The following GALNT13 variants were observed in gnomAD, a reference collection of about 807,000 sequenced individuals.
GALNT13 encodes the protein polypeptide N-acetylgalactosaminyltransferase 13.
A neutral mutation model predicts 64.2 loss-of-function variants in GALNT13; 28 were observed. The ratio of observed to expected loss-of-function variants is 0.44; its 90% CI spans 0.32 to 0.60. GALNT13 has a LOEUF of 0.60. Ranked by LOEUF, GALNT13 falls within the 20% of genes least tolerant of loss-of-function variation. GALNT13 has a pLI of 0.05. For missense variants in GALNT13, 577 were observed against 669.8 expected (o/e 0.86, Z 1.53); for synonymous variants, 214 against 224.6 (o/e 0.95, Z 0.42).
chr2:154,288,121 G>A (rs1692382183), intron 8 of GALNT13, among the ~76,000 whole-genome samples: 2 of 152,124 alleles, frequency 1.3e-5, no homozygotes, highest in African/African-American at 4.8e-5. Context: ...CATGGTGGAA[G>A]GCAAAGGAGG....
the GALNT13 span, among the ~76,000 whole-genome samples, chr2:153,786,084 G>T: frequency 2.0e-5 from 3 of 151,908 alleles, no homozygotes; most frequent in Non-Finnish European, 4.4e-5. Flanking sequence ...GGAGCCCCCA[G>T]GGGCAATTCC....
the GALNT13 span, among the ~76,000 whole-genome samples, chr2:153,646,471 ATTT>A: frequency 2.1e-5 from 3 of 140,314 alleles, no homozygotes; most frequent in Non-Finnish European, 3.3e-5. Context: ...ATATATATAT[ATTT>A]TATTATACTT....
At chr2:153,974,078 T>G (rs1693916875) in intron 3 of GALNT13, among the ~76,000 whole-genome samples, 1 of 152,104 alleles carries the variant, frequency 6.6e-6, no homozygotes, top group South Asian at 2.1e-4. Flanking sequence ...TCTTGCTGCC[T>G]TGATGTTCTT....
At chr2:154,449,426 CAAAAAAAAAAA>C (rs201483247) in intron 12 of GALNT13, among the ~76,000 whole-genome samples, 3 of 105,872 alleles carry the variant, frequency 2.8e-5, no homozygotes, top group Admixed American at 1.3e-4. Flanking sequence ...TATCATGAGC[CAAAAAAAAAAA>C]AAAAAAAAAA....
the GALNT13 span, among the ~76,000 whole-genome samples, chr2:153,397,394 A>G: frequency 3.3e-5 from 5 of 152,130 alleles, no homozygotes; most frequent in African/African-American, 4.8e-5. Flanking sequence ...AAGAACCACT[A>G]TGAATCAGTA....
chr2:153,826,311 G>A, the GALNT13 span, among the ~76,000 whole-genome samples: 611 of 152,186 alleles, frequency 4.0e-3, 1 homozygote, highest in Non-Finnish European at 7.0e-3. Context: ...CCATTATTAA[G>A]CCAGTAAGCC....
At chr2:153,345,863 A>T in the GALNT13 span, among the ~76,000 whole-genome samples, 1 of 147,646 alleles carries the variant, frequency 6.8e-6, no homozygotes, top group East Asian at 2.0e-4. Flanking sequence ...CGGCACAATC[A>T]CAGCTCACTG....
chr2:153,514,355 G>C, the GALNT13 span, among the ~76,000 whole-genome samples: 1 of 152,042 alleles, frequency 6.6e-6, no homozygotes, highest in South Asian at 2.1e-4. Context: ...GCTTCATTTT[G>C]CTCATATTTT....
At chr2:154,106,787 G>A (rs1178200341) in intron 3 of GALNT13, among the ~76,000 whole-genome samples, 3 of 151,934 alleles carry the variant, frequency 2.0e-5, no homozygotes. Context: ...GGTACAATGT[G>A]ATGTTATGCT....
chr2:153,720,686 C>T, the GALNT13 span, among the ~76,000 whole-genome samples: 4 of 151,016 alleles, frequency 2.6e-5, no homozygotes, highest in East Asian at 2.0e-4. Flanking sequence ...GGAGCCGATG[C>T]GATCAACTGG....
chr2:153,827,593 T>G, the GALNT13 span, among the ~76,000 whole-genome samples: 1 of 135,836 alleles, frequency 7.4e-6, no homozygotes, highest in Admixed American at 8.2e-5. Flanking sequence ...GCCACTGCAC[T>G]CCAGCCTGGG....
chr2:154,079,036 G>A (rs1701132873), intron 3 of GALNT13, among the ~76,000 whole-genome samples: 1 of 151,578 alleles, frequency 6.6e-6, no homozygotes, highest in South Asian at 2.1e-4. Flanking sequence ...CTTGCTAAGT[G>A]ACTATAATGA....
the GALNT13 span, among the ~76,000 whole-genome samples, chr2:153,600,857 C>A: frequency 1.3e-5 from 2 of 151,898 alleles, no homozygotes; most frequent in Non-Finnish European, 2.9e-5. Context: ...TGAGAGACTT[C>A]TAAATATAGC....
chr2:153,141,242 T>C, the GALNT13 span, among the ~76,000 whole-genome samples: 1 of 152,010 alleles, frequency 6.6e-6, no homozygotes, highest in East Asian at 1.9e-4. Flanking sequence ...TTCCATAGTA[T>C]GGATATATGG....
chr2:153,826,334 C>T, the GALNT13 span, among the ~76,000 whole-genome samples: 1 of 152,292 alleles, frequency 6.6e-6, no homozygotes, highest in Admixed American at 6.5e-5. Flanking sequence ...TAACCCATTA[C>T]TCCCTTACTG....
At chr2:153,707,594 G>C in the GALNT13 span, among the ~76,000 whole-genome samples, 7 of 152,146 alleles carry the variant, frequency 4.6e-5, no homozygotes, top group Admixed American at 4.6e-4. Context: ...CCTCTCCACT[G>C]CTGTACTGCC....
At chr2:154,023,294 T>A (rs1382530250) in intron 3 of GALNT13, among the ~76,000 whole-genome samples, 2 of 152,228 alleles carry the variant, frequency 1.3e-5, no homozygotes, top group Non-Finnish European at 2.9e-5. Flanking sequence ...CAGTGGGGTG[T>A]TAAAGTCTCC....
chr2:153,368,689 G>T, the GALNT13 span, among the ~76,000 whole-genome samples: 1 of 152,054 alleles, frequency 6.6e-6, no homozygotes, highest in Admixed American at 6.6e-5. Flanking sequence ...AATTGAAAAA[G>T]CTGAGAGGTG....
chr2:153,959,829 C>T (rs72993617), intron 3 of GALNT13, among the ~76,000 whole-genome samples: 8,436 of 151,964 alleles, frequency 0.056, 345 homozygotes, highest in South Asian at 0.13. Flanking sequence ...TATGGCTGCC[C>T]CCCACCAATG....
Sources: gnomAD v4.1 joint callset for allele counts (sites outside exome capture counted in the v4.1 genomes callset) on GRCh38, gnomAD v4.1.1 for gene constraint, MANE v1.5 for transcripts, NCBI Gene and HGNC (gene_info 2026-07-23, HGNC 2026-07-21) for gene names.